Variants in NECAB2 observed in about 807,000 individuals in gnomAD.
The protein encoded by NECAB2 is N-terminal EF-hand calcium-binding protein 2.
A neutral mutation model predicts 51.9 loss-of-function variants in NECAB2; 68 were observed. The ratio of observed to expected loss-of-function variants is 1.31; its 90% CI spans 1.08 to 1.60. NECAB2 has a LOEUF of 1.60. NECAB2 is among the 40% of genes most tolerant of loss of function. The pLI is 0.00. For synonymous variants in NECAB2, 329 were observed against 203.5 expected (o/e 1.62, Z -5.25); for missense variants, 854 against 490.3 (o/e 1.74, Z -7.00).
chr16:83,997,476 GACC>G (rs1363144843), intron 9 of NECAB2, among the ~76,000 whole-genome samples: 10 of 124,150 alleles, frequency 8.1e-5, no homozygotes, highest in Admixed American at 9.3e-5. Flanking sequence ...AGGCTCCCTG[GACC>G]TTTTTTTTTT....
chr16:83,975,887 C>T (rs2084402880), intron 2 of NECAB2, among the ~76,000 whole-genome samples: 1 of 152,190 alleles, frequency 6.6e-6, no homozygotes. Flanking sequence ...TCTAATTGGA[C>T]TGGGGGCCTA....
chr16:83,975,835 G>T (rs1197826464), intron 2 of NECAB2, among the ~76,000 whole-genome samples: 1 of 152,188 alleles, frequency 6.6e-6, no homozygotes, highest in Non-Finnish European at 1.5e-5. Context: ...CGGCCCGCTT[G>T]GGGTCTCTGG....
rs1181297600 is a variant in NECAB2 at position 84,001,525 on chromosome 16, A to G, written c.1041-300A>G. Among the ~76,000 whole-genome samples the G allele has an allele frequency of 1.2e-4, 18 of 152,156 alleles. 1 individual carries two copies. The highest frequency in any genetic ancestry group is 2.6e-4 in the Non-Finnish European group (18 of 68,024). ...CAGCTTCTGTGTTGTCATGGGTCCCAGGCAGAGGATGGCCCCACTCCTCCT... is the reference window on the plus strand; with the variant it reads ...CAGCTTCTGTGTTGTCATGGGTCCCGGGCAGAGGATGGCCCCACTCCTCCT... On this transcript the variant is annotated intron_variant, in intron 11 of 12. Transcript: ENST00000305202.
At chr16:83,971,000 A>G (rs1402012995) in intron 1 of NECAB2, among the ~76,000 whole-genome samples, 1 of 152,086 alleles carries the variant, frequency 6.6e-6, no homozygotes, top group African/African-American at 2.4e-5. Context: ...AGGCTGATAC[A>G]GGAGAATTGC....
At chr16:83,968,916 C>T (rs1016894082) in intron 1 of NECAB2, 67 bp downstream of exon 1, 155 of 981,688 alleles carry the variant, frequency 1.6e-4, no homozygotes, top group Admixed American at 9.3e-4. Flanking sequence ...CTCCGCCCCT[C>T]GGGCGGACCC....
At chr16:83,996,376 G>C (rs866550121) in intron 8 of NECAB2, among the ~76,000 whole-genome samples, 3 of 152,190 alleles carry the variant, frequency 2.0e-5, no homozygotes, top group East Asian at 1.9e-4. Context: ...CAAAATGAGC[G>C]TGCAAGGTCC....
At chr16:83,969,986 C>G (rs902606917) in intron 1 of NECAB2, among the ~76,000 whole-genome samples, 3 of 152,206 alleles carry the variant, frequency 2.0e-5, no homozygotes, top group South Asian at 4.1e-4. Context: ...CTCGCAGGCA[C>G]ACATTCACAC....
upstream of NECAB2, among the ~76,000 whole-genome samples, chr16:83,967,584 G>A (rs1046915373): frequency 2.8e-5 from 4 of 140,694 alleles, no homozygotes; most frequent in South Asian, 7.1e-4. Flanking sequence ...GGATGGATGG[G>A]AGGGTGTGTA....
chr16:83,978,641 G>A (rs1404323425), intron 3 of NECAB2, 89 bp downstream of exon 3: 2 of 1,147,374 alleles, frequency 1.7e-6, no homozygotes, highest in Non-Finnish European at 2.6e-6. Flanking sequence ...CTAGTCCCCT[G>A]TAAGGGGCAG....
At chr16:83,999,656 G>T in intron 10 of NECAB2, among the ~76,000 whole-genome samples, 1 of 152,178 alleles carries the variant, frequency 6.6e-6, no homozygotes, top group South Asian at 2.1e-4. Flanking sequence ...ATTCTGGGGC[G>T]GCATAGACTA....
intron 10 of NECAB2, among the ~76,000 whole-genome samples, chr16:83,999,522 C>A (rs536546618): frequency 6.6e-6 from 1 of 152,066 alleles, no homozygotes; most frequent in African/African-American, 2.4e-5. Flanking sequence ...GTGTGTCCAC[C>A]CCAAGATGGA....
chr16:83,980,502 C>T (rs2084472465), intron 3 of NECAB2, among the ~76,000 whole-genome samples: 1 of 152,092 alleles, frequency 6.6e-6, no homozygotes, highest in Non-Finnish European at 1.5e-5. Flanking sequence ...GCTTTGCTGA[C>T]AGCCCGTCAC....
intron 10 of NECAB2, among the ~76,000 whole-genome samples, 188 bp downstream of exon 10, chr16:83,998,505 G>T (rs957581659): frequency 6.6e-6 from 1 of 152,184 alleles, no homozygotes; most frequent in African/African-American, 2.4e-5. Context: ...AATGTGGCAG[G>T]TGTCTTCATC....
At chr16:83,987,069 G>GT (rs2151092911) in intron 5 of NECAB2, among the ~76,000 whole-genome samples, 1 of 152,206 alleles carries the variant, frequency 6.6e-6, no homozygotes, top group South Asian at 2.1e-4. Flanking sequence ...TCTGTCCTTG[G>GT]CTTCCCTCCT....
intron 2 of NECAB2, among the ~76,000 whole-genome samples, chr16:83,973,838 G>T (rs961804137): frequency 5.3e-5 from 8 of 152,146 alleles, no homozygotes; most frequent in Non-Finnish European, 1.2e-4. Flanking sequence ...TTGGGAATGC[G>T]TGTGTCCAGC....
chr16:83,968,060 T>C (rs896180287), upstream of NECAB2, among the ~76,000 whole-genome samples: 3 of 151,568 alleles, frequency 2.0e-5, no homozygotes, highest in African/African-American at 7.3e-5. Flanking sequence ...GGAAAGATGT[T>C]CTGGGGTGAA....
At chr16:83,965,869 C>T (rs1156291966), upstream of NECAB2, 7 of 1,612,836 alleles carry the variant, frequency 4.3e-6, no homozygotes, top group Non-Finnish European at 5.9e-6. Context: ...TGGACCCCTT[C>T]ACCTACCAGA....
chr16:83,972,264 A>T, intron 2 of NECAB2, 89 bp downstream of exon 2: 1 of 1,584,640 alleles, frequency 6.3e-7, no homozygotes, highest in Non-Finnish European at 8.6e-7. Context: ...GACAAGCGCA[A>T]CCTTGAACCT....
intron 6 of NECAB2, among the ~76,000 whole-genome samples, chr16:83,991,742 G>A (rs1227547700): frequency 2.6e-5 from 4 of 151,512 alleles, no homozygotes; most frequent in East Asian, 1.9e-4. Flanking sequence ...TCCAACTCAG[G>A]TTCAAGCAAT....
Sources: allele counts gnomAD v4.1 joint callset (sites outside exome capture counted in the v4.1 genomes callset), GRCh38; gene constraint gnomAD v4.1.1; transcripts MANE v1.5; gene names NCBI Gene and HGNC (gene_info 2026-07-23, HGNC 2026-07-21).